The following LRRTM4 variants were observed in gnomAD, a reference collection of about 807,000 sequenced individuals.
The protein encoded by LRRTM4 is leucine rich repeat transmembrane neuronal 4.
Under a neutral mutation model 47.6 loss-of-function variants are expected in LRRTM4, and 25 were observed. The observed-to-expected ratio is 0.53, with a 90% CI of 0.38 to 0.73. The LOEUF (loss-of-function observed/expected upper bound fraction) is 0.73. LRRTM4 is among the 30% of genes least tolerant of loss of function. The pLI is 0.00. For synonymous variants in LRRTM4, 311 were observed against 269.5 expected (o/e 1.15, Z -1.51); for missense variants, 638 against 713.4 (o/e 0.89, Z 1.20).
At chr2:76,941,444 C>T (rs1440719792) in intron 3 of LRRTM4, among the ~76,000 whole-genome samples, 1 of 152,088 alleles carries the variant, frequency 6.6e-6, no homozygotes, top group East Asian at 1.9e-4. Context: ...AGGTATTTAT[C>T]CTAATCTTAT....
intron 3 of LRRTM4, among the ~76,000 whole-genome samples, chr2:77,069,642 C>T (rs1393473211): frequency 1.3e-5 from 2 of 152,076 alleles, no homozygotes; most frequent in Non-Finnish European, 2.9e-5. Context: ...AGAGATTTGT[C>T]TATTTTCAAC....
intron 3 of LRRTM4, among the ~76,000 whole-genome samples, chr2:76,870,409 AT>A (rs1672589126): frequency 6.6e-6 from 1 of 152,178 alleles, no homozygotes; most frequent in African/African-American, 2.4e-5. Context: ...CCAAATGCCA[AT>A]TCCGCCTTGA....
chr2:76,911,277 A>G (rs1674046523), intron 3 of LRRTM4, among the ~76,000 whole-genome samples: 1 of 152,202 alleles, frequency 6.6e-6, no homozygotes, highest in Admixed American at 6.5e-5. Context: ...ACCTCATCCC[A>G]TCATTTGTTA....
intron 3 of LRRTM4, among the ~76,000 whole-genome samples, chr2:77,042,757 G>A (rs2104181949): frequency 6.6e-6 from 1 of 151,738 alleles, no homozygotes; most frequent in East Asian, 1.9e-4. Context: ...CATTTCCAGT[G>A]CTAGAACTGT....
intron 3 of LRRTM4, among the ~76,000 whole-genome samples, chr2:77,250,961 G>A (rs982926810): frequency 6.6e-6 from 1 of 151,790 alleles, no homozygotes; most frequent in Non-Finnish European, 1.5e-5. Flanking sequence ...AAATCAGCTG[G>A]GCATGGTGGT....
At chr2:77,435,171 C>G (rs920513995) in intron 3 of LRRTM4, among the ~76,000 whole-genome samples, 12 of 151,726 alleles carry the variant, frequency 7.9e-5, no homozygotes, top group Admixed American at 7.9e-4. Context: ...GCAAAAGAGC[C>G]CCTGGTTGAG....
intron 3 of LRRTM4, among the ~76,000 whole-genome samples, chr2:76,889,248 AT>A (rs1262479156): frequency 1.3e-5 from 2 of 151,898 alleles, no homozygotes; most frequent in African/African-American, 2.4e-5. Flanking sequence ...TAAGGTTTTT[AT>A]TTTAGTTTTG....
At chr2:76,932,812 T>A (rs1245608677) in intron 3 of LRRTM4, among the ~76,000 whole-genome samples, 4 of 151,716 alleles carry the variant, frequency 2.6e-5, no homozygotes, top group African/African-American at 4.8e-5. Context: ...AAGAAATTAA[T>A]TTGAAATGAT....
chr2:76,922,456 C>G (rs1393205236), intron 3 of LRRTM4, among the ~76,000 whole-genome samples: 1 of 152,016 alleles, frequency 6.6e-6, no homozygotes, highest in Non-Finnish European at 1.5e-5. Flanking sequence ...AATAGCAAGC[C>G]TCCATGATTC....
intron 3 of LRRTM4, among the ~76,000 whole-genome samples, chr2:77,323,517 C>A (rs940104553): frequency 5.3e-5 from 8 of 152,078 alleles, no homozygotes; most frequent in South Asian, 2.1e-4. Flanking sequence ...AGCTTTCCTG[C>A]TGCTTGAAAA....
Position 77,339,480 on chromosome 2 carries a change from C to A in LRRTM4, c.1551+178838G>T, listed in dbSNP as rs568710290. 5.3e-5 allele frequency among the ~76,000 whole-genome samples: 8 copies of A among 152,044 alleles called. No homozygotes were observed. The East Asian group carries it at 1.4e-3, about 26-fold the overall frequency. On this transcript the variant is annotated intron_variant, in intron 3 of 3. Transcript: ENST00000409884. ...TTTCTAGCATTTAAATTAGTACTGG[C>A]ATGTAGCAGGTGTTCAATAAATACT...
At chr2:77,293,950 T>C (rs1213275828) in intron 3 of LRRTM4, among the ~76,000 whole-genome samples, 1 of 152,066 alleles carries the variant, frequency 6.6e-6, no homozygotes, top group African/African-American at 2.4e-5. Context: ...ACAAATAAAC[T>C]TGTTGTTTTA....
rs979155757 is a variant in LRRTM4 at position 77,061,996 on chromosome 2, G to T, written c.1552-313080C>A. On this transcript the variant is annotated intron_variant, in intron 3 of 3. Coordinates refer to ENST00000409884, the MANE Select transcript of LRRTM4 (RefSeq NM_001134745.3). ...TATAAACCACAAGTGACCTTATAAA[G>T]TACAGTACGATGAAAATAGCTAATG... is the stretch of plus-strand genomic sequence containing the variant. Among the ~76,000 whole-genome samples the T allele has an allele frequency of 8.5e-5, 13 of 152,240 alleles. No individual in the cohort carries two copies. In the East Asian group the frequency reaches 2.5e-3, roughly 29 times the overall value.
chr2:77,142,885 A>AC (rs1285455393), intron 3 of LRRTM4, among the ~76,000 whole-genome samples: 6 of 152,176 alleles, frequency 3.9e-5, no homozygotes, highest in Non-Finnish European at 5.9e-5. Context: ...ATGTAAAAAA[A>AC]ATTTCCCAAG....
At chr2:76,907,689 C>T (rs1348137445) in intron 3 of LRRTM4, among the ~76,000 whole-genome samples, 2 of 114,728 alleles carry the variant, frequency 1.7e-5, no homozygotes, top group Non-Finnish European at 3.4e-5. Flanking sequence ...GAAATACAAA[C>T]TACCATCAGA....
intron 3 of LRRTM4, among the ~76,000 whole-genome samples, chr2:76,988,799 A>G (rs1461741496): frequency 7.1e-6 from 1 of 140,960 alleles, no homozygotes; most frequent in African/African-American, 2.6e-5. Context: ...CCTGGACTTG[A>G]CATCTCCTAT....
intron 3 of LRRTM4, among the ~76,000 whole-genome samples, chr2:77,506,756 G>A (rs747209311): frequency 3.3e-5 from 5 of 151,896 alleles, no homozygotes; most frequent in African/African-American, 4.8e-5. Context: ...TCAACATGAT[G>A]AGGTAATTTA....
chr2:76,827,565 T>G (rs952383364), intron 3 of LRRTM4, among the ~76,000 whole-genome samples: 1 of 151,882 alleles, frequency 6.6e-6, no homozygotes, highest in Admixed American at 6.6e-5. Context: ...ATGTATTTCA[T>G]AGCATTGAAA....
In LRRTM4 at chr2:77,099,116, T is replaced by C. The variant is rs553235090; in HGVS notation, c.1552-350200A>G. ...GCTATAGACACTATCCTTTTAGCTA[T>C]AGAAATTTTGCTCAAGGAGATTGAT... On this transcript the variant is annotated intron_variant, in intron 3 of 3. Transcript: ENST00000409884. Among the ~76,000 whole-genome samples, 15 of 152,078 alleles carry C rather than the reference T, an allele frequency of 9.9e-5. 1 individual carries two copies. The South Asian group carries it at 3.1e-3, about 32-fold the overall frequency.
Sources: allele counts gnomAD v4.1 joint callset (sites outside exome capture counted in the v4.1 genomes callset), GRCh38; gene constraint gnomAD v4.1.1; transcripts MANE v1.5; gene names NCBI Gene and HGNC (gene_info 2026-07-23, HGNC 2026-07-21).